The following ABI1 variants were observed in gnomAD, a reference collection of about 807,000 sequenced individuals.
ABI1 encodes the protein Abelson interactor 1.
A neutral mutation model predicts 54.6 loss-of-function variants in ABI1; 14 were observed. The ratio of observed to expected loss-of-function variants is 0.26; its 90% CI spans 0.17 to 0.40. The LOEUF is 0.40. ABI1 is among the 10% of genes least tolerant of loss of function. The pLI, the probability that ABI1 is intolerant of heterozygous loss-of-function variation, is 1.00. For synonymous variants in ABI1, 194 were observed against 209.3 expected, an observed-to-expected ratio of 0.93 and a Z score of 0.63; for missense variants, 443 against 598.3, an observed-to-expected ratio of 0.74 and a Z score of 2.71.
chr10:26,781,104 T>C (rs1842050471), intron 2 of ABI1, among the ~76,000 whole-genome samples: 1 of 152,218 alleles, frequency 6.6e-6, no homozygotes, highest in Non-Finnish European at 1.5e-5. Flanking sequence ...TGTGCACAGA[T>C]GACTTTCCTG....
chr10:26,759,455 A>G (rs1838818383), intron 7 of ABI1, among the ~76,000 whole-genome samples: 1 of 152,252 alleles, frequency 6.6e-6, no homozygotes, highest in African/African-American at 2.4e-5. Context: ...GGAAAGCTGC[A>G]AAAGTAAATA....
chr10:26,773,957 C>G (rs560819628), intron 3 of ABI1, among the ~76,000 whole-genome samples: 182 of 152,248 alleles, frequency 1.2e-3, no homozygotes, highest in South Asian at 2.5e-3. Context: ...ACTCCTAGAT[C>G]ACATAATCTT....
intron 2 of ABI1, among the ~76,000 whole-genome samples, chr10:26,792,490 C>G (rs1299398882): frequency 6.6e-6 from 1 of 151,982 alleles, no homozygotes; most frequent in Non-Finnish European, 1.5e-5. Flanking sequence ...ACACCTTCTC[C>G]GAGATGAGAG....
intron 2 of ABI1, among the ~76,000 whole-genome samples, chr10:26,808,714 C>A (rs552668616): frequency 1.8e-4 from 27 of 152,072 alleles, no homozygotes; most frequent in African/African-American, 4.8e-4. Context: ...CAAAATGAGA[C>A]CCCGTCTCAA....
chr10:26,788,623 C>G (rs183747125), intron 2 of ABI1, among the ~76,000 whole-genome samples: 1 of 152,236 alleles, frequency 6.6e-6, no homozygotes, highest in African/African-American at 2.4e-5. Flanking sequence ...AAGATACCAG[C>G]AGTTTGAGGC....
intron 2 of ABI1, among the ~76,000 whole-genome samples, chr10:26,816,232 G>C (rs1011626022): frequency 6.6e-6 from 1 of 152,216 alleles, no homozygotes; most frequent in African/African-American, 2.4e-5. Context: ...TACATGAAAA[G>C]TGATAATGCT....
At chr10:26,812,872 G>T (rs114683104) in intron 2 of ABI1, among the ~76,000 whole-genome samples, 3,098 of 152,262 alleles carry the variant, frequency 0.02, 76 homozygotes, top group African/African-American at 0.065. Context: ...TGGGAGTTAT[G>T]ACTTCAAAAT....
In ABI1 at chr10:26,851,348, A is replaced by ATTTT. The variant is rs397724445; in HGVS notation, c.117+9395_117+9398dup. Among the ~76,000 whole-genome samples the ATTTT allele has an allele frequency of 1.4e-3, 98 of 67,810 alleles. 12 individuals carry two copies. The highest frequency in any genetic ancestry group is 5.8e-3 in the East Asian group (12 of 2,074). The allele number at this position is 67,810 out of a possible 152,430, so 44.5% of individuals were successfully genotyped here. A position where few individuals can be genotyped will look rare whatever the true frequency, so the allele number is the denominator to read the frequency against. ...GTAGCTGGGACTACAGACTAAGCTA[A>ATTTT]TTTTTTTTTTTTTTTTTTTTTTTTT... On this transcript the variant is annotated intron_variant, in intron 1 of 10. Coordinates refer to ENST00000376140, the MANE Select transcript of ABI1 (RefSeq NM_001012750.3).
chr10:26,831,326 T>TA (rs1024519887), intron 1 of ABI1, among the ~76,000 whole-genome samples: 1 of 151,920 alleles, frequency 6.6e-6, no homozygotes, highest in Non-Finnish European at 1.5e-5. Flanking sequence ...GTGGATGGCT[T>TA]AAGGTCAGGA....
At chr10:26,780,833 C>T (rs917479602) in intron 2 of ABI1, among the ~76,000 whole-genome samples, 1 of 152,186 alleles carries the variant, frequency 6.6e-6, no homozygotes, top group African/African-American at 2.4e-5. Context: ...TTACCAGCTT[C>T]CAACTGCTGA....
At chr10:26,749,287 T>C (rs973008873) in intron 10 of ABI1, among the ~76,000 whole-genome samples, 6 of 152,196 alleles carry the variant, frequency 3.9e-5, no homozygotes, top group Admixed American at 2.0e-4. Context: ...TTAGAGAACT[T>C]TGCAATTCTG....
intron 3 of ABI1, among the ~76,000 whole-genome samples, chr10:26,775,643 C>A (rs1338639650): frequency 6.6e-6 from 1 of 152,174 alleles, no homozygotes; most frequent in Non-Finnish European, 1.5e-5. Flanking sequence ...TTTTCTCACC[C>A]AAAACTTCCT....
intron 2 of ABI1, chr10:26,789,283 C>T (rs1443105396): frequency 3.3e-5 from 5 of 152,146 alleles, no homozygotes; most frequent in African/African-American, 9.7e-5. Context: ...GATGCATCAG[C>T]ACCTGAAGGA....
chr10:26,854,596 G>C (rs2050668347), intron 1 of ABI1, among the ~76,000 whole-genome samples: 1 of 152,066 alleles, frequency 6.6e-6, no homozygotes, highest in South Asian at 2.1e-4. Flanking sequence ...ATTAACTGAG[G>C]ATCTTCCATA....
chr10:26,780,915 A>C (rs2132979886), intron 2 of ABI1, among the ~76,000 whole-genome samples: 1 of 152,324 alleles, frequency 6.6e-6, no homozygotes, highest in African/African-American at 2.4e-5. Flanking sequence ...TGGACCATTC[A>C]ATGTACTACT....
intron 1 of ABI1, among the ~76,000 whole-genome samples, chr10:26,851,172 G>A (rs183987879): frequency 3.2e-4 from 48 of 152,036 alleles, no homozygotes; most frequent in African/African-American, 1.1e-3. Context: ...TGAATGAAAA[G>A]TGGGAGATGG....
chr10:26,851,161 G>A (rs1161790308), intron 1 of ABI1, among the ~76,000 whole-genome samples: 1 of 152,008 alleles, frequency 6.6e-6, no homozygotes, highest in Non-Finnish European at 1.5e-5. Context: ...AGGTTAAAGA[G>A]TGAATGAAAA....
chr10:26,794,263 T>C lies in ABI1; in HGVS notation c.286-17022A>G, dbSNP rs540772929. Among the ~76,000 whole-genome samples, 7 of 151,708 alleles carry C rather than the reference T, an allele frequency of 4.6e-5. No homozygotes were observed. The South Asian group carries it at 1.5e-3, about 32-fold the overall frequency. On this transcript the variant is annotated intron_variant, in intron 2 of 10. Transcript: ENST00000376140. Reference sequence around the variant, plus strand: ...TAAATAAAAATAAAAATAATAAAAATAAATACATTAGCCAGGCATGGTGGC... The same window carrying C: ...TAAATAAAAATAAAAATAATAAAAACAAATACATTAGCCAGGCATGGTGGC...
intron 1 of ABI1, among the ~76,000 whole-genome samples, chr10:26,848,631 C>CA (rs1422555864): frequency 3.6e-5 from 4 of 112,028 alleles, no homozygotes; most frequent in African/African-American, 7.2e-5. Context: ...TTTTTTGAGA[C>CA]AGAGTCTCGC....
Sources: gnomAD v4.1 joint callset for allele counts (sites outside exome capture counted in the v4.1 genomes callset) on GRCh38, gnomAD v4.1.1 for gene constraint, MANE v1.5 for transcripts, NCBI Gene and HGNC (gene_info 2026-07-23, HGNC 2026-07-21) for gene names.